The following CNGB3 variants were observed in gnomAD, a reference collection of about 807,000 sequenced individuals.
CNGB3 encodes the protein cyclic nucleotide-gated channel beta-3.
A neutral mutation model predicts 92.8 loss-of-function variants in CNGB3; 86 were observed. The ratio of observed to expected loss-of-function variants is 0.93; its 90% CI spans 0.78 to 1.11. The LOEUF (loss-of-function observed/expected upper bound fraction) is 1.11, where lower values mean the gene tolerates loss of function less well. CNGB3 is among the 50% of genes least tolerant of loss of function. CNGB3 has a pLI of 0.00. For missense variants in CNGB3, 1,026 were observed against 956.8 expected (o/e 1.07, Z -0.95); for synonymous variants, 333 against 332.7 (o/e 1.00, Z -0.01).
chr8:86,647,947 G>T (rs1823321316), intron 7 of CNGB3, 60 bp from the exon 8 acceptor site: 6 of 946,330 alleles, frequency 6.3e-6, no homozygotes, highest in Admixed American at 1.7e-5. Flanking sequence ...GGAATGGATG[G>T]ATTTACGCTG....
chr8:86,680,572 T>C (rs1044491354), intron 3 of CNGB3, among the ~76,000 whole-genome samples: 1 of 152,136 alleles, frequency 6.6e-6, no homozygotes, highest in African/African-American at 2.4e-5. Context: ...AGTTGATAAG[T>C]GCAGAAGCAT....
intron 12 of CNGB3, 95 bp downstream of exon 12, chr8:86,628,824 C>T (rs535549474): frequency 2.2e-6 from 3 of 1,350,370 alleles, no homozygotes; most frequent in African/African-American, 1.4e-5. Context: ...GTTTTTCAAC[C>T]TTTTGTTCAA....
At chr8:86,689,604 C>T (rs1465188843) in intron 3 of CNGB3, among the ~76,000 whole-genome samples, 1 of 150,596 alleles carries the variant, frequency 6.6e-6, no homozygotes, top group Admixed American at 6.6e-5. Context: ...GGTACATGTG[C>T]ACAACGTGCA....
At chr8:86,727,779 A>T (rs1825087223) in intron 2 of CNGB3, among the ~76,000 whole-genome samples, 1 of 152,176 alleles carries the variant, frequency 6.6e-6, no homozygotes, top group South Asian at 2.1e-4. Flanking sequence ...AGATATTAAA[A>T]TGGAGGCCCA....
chr8:86,664,514 G>A (rs1823704660), intron 6 of CNGB3, among the ~76,000 whole-genome samples: 2 of 152,192 alleles, frequency 1.3e-5, no homozygotes, highest in Admixed American at 1.3e-4. Context: ...CTTCCTTCTA[G>A]TTAGCTGGGG....
intron 17 of CNGB3, 91 bp downstream of exon 17, chr8:86,578,598 G>T: frequency 8.3e-7 from 1 of 1,200,732 alleles, no homozygotes; most frequent in South Asian, 1.2e-5. Flanking sequence ...TCATCCCAGT[G>T]TCTGAAATGG....
chr8:86,643,452 T>G lies in CNGB3; in HGVS notation c.1178+299A>C, dbSNP rs1007464582. On this transcript the variant is annotated intron_variant, in intron 10 of 17. Transcript: ENST00000320005. ...TCTCCCCACCACTCACCCTTCCCAG[T>G]CTCTGTTATCTTTCCACTCTCTGTC... is the stretch of plus-strand genomic sequence containing the variant. Among the ~76,000 whole-genome samples, 64 of 151,514 alleles carry G rather than the reference T, an allele frequency of 4.2e-4. 1 individual carries two copies. Among genetic ancestry groups the G allele is most frequent in the African/African-American group, 1.5e-3 (64 of 41,454 alleles).
chr8:86,677,929 C>CT (rs1275299825), intron 3 of CNGB3, among the ~76,000 whole-genome samples: 1 of 152,096 alleles, frequency 6.6e-6, no homozygotes, highest in African/African-American at 2.4e-5. Context: ...TCATTATTTT[C>CT]TTTTGCAAAC....
chr8:86,607,284 C>T (rs1235270944), intron 14 of CNGB3, among the ~76,000 whole-genome samples: 1 of 152,292 alleles, frequency 6.6e-6, no homozygotes, highest in African/African-American at 2.4e-5. Context: ...ATTAAGTAGA[C>T]ATTCCTCAGA....
intron 6 of CNGB3, among the ~76,000 whole-genome samples, chr8:86,664,057 T>C (rs1033425884): frequency 6.6e-6 from 1 of 152,196 alleles, no homozygotes; most frequent in Non-Finnish European, 1.5e-5. Context: ...TACTTCTTAT[T>C]TGTACACCGT....
At chr8:86,582,823 A>G (rs1821815651) in intron 15 of CNGB3, among the ~76,000 whole-genome samples, 1 of 152,242 alleles carries the variant, frequency 6.6e-6, no homozygotes, top group Non-Finnish European at 1.5e-5. Flanking sequence ...TGCAAAAAAC[A>G]TTTAGAGTTC....
chr8:86,726,288 G>A (rs1427604502), intron 3 of CNGB3, among the ~76,000 whole-genome samples: 1 of 152,062 alleles, frequency 6.6e-6, no homozygotes, highest in African/African-American at 2.4e-5. Context: ...TATTTTTGTT[G>A]TGATTTGGCC....
At chr8:86,726,415 C>G in intron 3 of CNGB3, 116 bp downstream of exon 3, 4 of 1,389,832 alleles carry the variant, frequency 2.9e-6, no homozygotes, top group Non-Finnish European at 4.1e-6. Context: ...TGTTATGTGA[C>G]TATTGAATTT....
At chr8:86,644,443 CTCT>C (rs1451523260) in intron 9 of CNGB3, among the ~76,000 whole-genome samples, 176 bp downstream of exon 9, 1 of 151,322 alleles carries the variant, frequency 6.6e-6, no homozygotes, top group Non-Finnish European at 1.5e-5. Flanking sequence ...GATTTTCATA[CTCT>C]TATTTCACTT....
intron 3 of CNGB3, among the ~76,000 whole-genome samples, chr8:86,712,714 C>G (rs183545256): frequency 6.7e-6 from 1 of 149,982 alleles, no homozygotes; most frequent in Admixed American, 6.6e-5. Context: ...AGGAATACTA[C>G]TATATCTATT....
At chr8:86,721,268 CCT>C (rs1307123916) in intron 3 of CNGB3, among the ~76,000 whole-genome samples, 1 of 152,082 alleles carries the variant, frequency 6.6e-6, no homozygotes, top group Non-Finnish European at 1.5e-5. Flanking sequence ...AGCCACCGCA[CCT>C]GGCCAGAATT....
At chr8:86,654,394 G>C (rs1056834559) in intron 6 of CNGB3, among the ~76,000 whole-genome samples, 1 of 152,050 alleles carries the variant, frequency 6.6e-6, no homozygotes, top group Non-Finnish European at 1.5e-5. Context: ...ACAGTGCAAA[G>C]GTCACCAATG....
intron 14 of CNGB3, among the ~76,000 whole-genome samples, chr8:86,608,728 C>T (rs1822460595): frequency 6.6e-6 from 1 of 152,258 alleles, no homozygotes; most frequent in African/African-American, 2.4e-5. Flanking sequence ...TTCTCTCTGT[C>T]TCCTCTCCCT....
At chr8:86,651,157 A>AG (rs937637778) in intron 7 of CNGB3, among the ~76,000 whole-genome samples, 2 of 148,374 alleles carry the variant, frequency 1.3e-5, no homozygotes, top group African/African-American at 2.5e-5. Context: ...GAAGACCAGA[A>AG]GGGGGGGTGT....
Sources: allele counts gnomAD v4.1 joint callset (sites outside exome capture counted in the v4.1 genomes callset), GRCh38; gene constraint gnomAD v4.1.1; transcripts MANE v1.5; gene names NCBI Gene and HGNC (gene_info 2026-07-23, HGNC 2026-07-21).